Variants in ATRN observed in about 807,000 individuals in gnomAD.
ATRN encodes attractin-2.
In ATRN, 54 loss-of-function variants were observed where a neutral mutation model predicts 178.7. The observed-to-expected ratio is 0.30, with a 90% CI of 0.24 to 0.38. ATRN has a LOEUF of 0.38. Among genes scored for constraint, ATRN ranks in the 10% least tolerant of loss-of-function variants. The probability of loss-of-function intolerance (pLI) is 1.00; values close to 1 mark genes in which losing one functional copy is unlikely to be tolerated. For missense variants in ATRN, 1,443 were observed against 1,815.1 expected (o/e 0.79, Z 3.73); for synonymous variants, 636 against 663.0 (o/e 0.96, Z 0.63).
At chr20:3,608,543 C>A (rs963857060) in intron 24 of ATRN, among the ~76,000 whole-genome samples, 4 of 152,068 alleles carry the variant, frequency 2.6e-5, no homozygotes, top group African/African-American at 9.7e-5. Flanking sequence ...TTTCTGAGTT[C>A]TTTATTTTGT....
chr20:3,560,563 T>G, intron 7 of ATRN, 99 bp from the exon 8 acceptor site: 4 of 1,086,918 alleles, frequency 3.7e-6, no homozygotes, highest in Admixed American at 2.7e-5. Flanking sequence ...TTGACTAACC[T>G]TTTTTAAGCT....
chr20:3,589,618 A>T (rs2086410581), intron 18 of ATRN, among the ~76,000 whole-genome samples: 1 of 152,192 alleles, frequency 6.6e-6, no homozygotes, highest in South Asian at 2.1e-4. Context: ...ATACTGGTTA[A>T]TCCTCAAGGT....
intron 18 of ATRN, among the ~76,000 whole-genome samples, chr20:3,587,827 CTGTT>C (rs200507855): frequency 0.058 from 8,707 of 151,004 alleles, 278 homozygotes; most frequent in African/African-American, 0.074. Flanking sequence ...GGTGTATTGC[CTGTT>C]TGTTTGTTTG....
At chr20:3,498,496 G>T (rs1210886063) in intron 1 of ATRN, among the ~76,000 whole-genome samples, 1 of 151,772 alleles carries the variant, frequency 6.6e-6, no homozygotes, top group African/African-American at 2.4e-5. Context: ...GATCAAGTGG[G>T]CTTCATCCCT....
intron 18 of ATRN, among the ~76,000 whole-genome samples, chr20:3,585,283 C>T (rs2086342274): frequency 6.6e-6 from 1 of 152,088 alleles, no homozygotes; most frequent in African/African-American, 2.4e-5. Context: ...CCACTGTAAA[C>T]AAAGCTAAAA....
At chr20:3,545,364 C>CAAA (rs1332216289) in intron 3 of ATRN, among the ~76,000 whole-genome samples, 4,547 of 86,192 alleles carry the variant, frequency 0.053, 105 homozygotes, top group Non-Finnish European at 0.073. Context: ...AACTCTGTCT[C>CAAA]AAAAAAAAAA....
intron 1 of ATRN, among the ~76,000 whole-genome samples, chr20:3,516,884 C>G (rs2146139672): frequency 6.6e-6 from 1 of 152,080 alleles, no homozygotes; most frequent in South Asian, 2.1e-4. Context: ...TCCAGTCTAT[C>G]ATTGATGGGC....
chr20:3,641,379 T>A (rs1183473488), intron 27 of ATRN, among the ~76,000 whole-genome samples: 1 of 151,536 alleles, frequency 6.6e-6, no homozygotes, highest in Non-Finnish European at 1.5e-5. Context: ...TCACTTGAGG[T>A]CAGGAGTTCA....
At position 3,632,796 on chromosome 20, in the gene ATRN, T is replaced by C. The variant is rs752886452; in HGVS notation, c.3864-1515T>C. On this transcript the variant is annotated intron_variant, in intron 25 of 28. Transcript: ENST00000262919. The surrounding 1 kb of genome is among the most constrained non-coding windows in gnomAD (Gnocchi z 4.2). ...ATGGGACAGTAATCTTTGCTCTGTT[T>C]ATCAGTGTTTTCCATGAGCCTAGAA... is the stretch of plus-strand genomic sequence containing the variant. 2.1e-4 allele frequency among the ~76,000 whole-genome samples: 32 copies of C among 152,214 alleles called. No individual in the cohort carries two copies. The highest frequency in any genetic ancestry group is 7.3e-5 in the Non-Finnish European group (5 of 68,040).
In ATRN at chr20:3,578,749, A is replaced by G. The variant is rs766458190; in HGVS notation, c.2521A>G (p.Ile841Val). 9.3e-6 allele frequency: 15 copies of G among 1,613,130 alleles called. No homozygotes were observed. The highest frequency in any genetic ancestry group is 1.3e-5 in the Non-Finnish European group (15 of 1,179,764). The change falls in exon 15 of 29, where the codon ATA (isoleucine) becomes GTA (valine). Residue 841 changes from isoleucine to valine, a missense_variant. Physicochemically the swap from Ile to Val is conservative, Grantham distance 29. Transcript: ENST00000262919. ...KVEFVLKQLR[I>V]MQSSQSMSKL... ...AGAATTTGTCCTTAAGCAGCTGCGA[A>G]TAATGCAGTCATCTCAGAGCATGGT... is the stretch of plus-strand genomic sequence containing the variant.
At chr20:3,583,498 T>C (rs2086308659) in intron 16 of ATRN, among the ~76,000 whole-genome samples, 2 of 152,224 alleles carry the variant, frequency 1.3e-5, no homozygotes, top group Admixed American at 6.5e-5. Flanking sequence ...GGCACATTAA[T>C]GGGTCATCAC....
intron 24 of ATRN, among the ~76,000 whole-genome samples, chr20:3,613,331 G>T (rs999029270): frequency 1.3e-5 from 2 of 152,076 alleles, no homozygotes; most frequent in East Asian, 3.9e-4. Context: ...CTCAGTCCTC[G>T]CATGAGAGCC....
At chr20:3,619,442 A>G (rs2086879612) in intron 24 of ATRN, among the ~76,000 whole-genome samples, 2 of 152,240 alleles carry the variant, frequency 1.3e-5, no homozygotes, top group Non-Finnish European at 2.9e-5. Context: ...GCCAGAGGCC[A>G]ATGAAAGGTC....
intron 1 of ATRN, among the ~76,000 whole-genome samples, chr20:3,496,130 G>GT (rs1353330366): frequency 2.6e-5 from 4 of 151,828 alleles, no homozygotes; most frequent in Non-Finnish European, 4.4e-5. Flanking sequence ...TTTTTGAAGG[G>GT]TTTTTTGTGT....
intron 27 of ATRN, among the ~76,000 whole-genome samples, chr20:3,639,582 T>A (rs989876302): frequency 6.6e-5 from 10 of 152,000 alleles, no homozygotes; most frequent in Non-Finnish European, 1.3e-4. Context: ...GGGAATTTTT[T>A]AAGCAGCAAA....
intron 1 of ATRN, among the ~76,000 whole-genome samples, chr20:3,530,616 T>C (rs1290305406): frequency 6.6e-6 from 1 of 151,978 alleles, no homozygotes; most frequent in Non-Finnish European, 1.5e-5. Flanking sequence ...TTAGGTCTAG[T>C]AGATGAAAAT....
chr20:3,576,024 T>C (rs1313980978), intron 13 of ATRN, 76 bp downstream of exon 13: 2 of 1,445,946 alleles, frequency 1.4e-6, no homozygotes, highest in Admixed American at 4.8e-5. Flanking sequence ...GTATATGGTA[T>C]AAATAATGGC....
At chr20:3,529,308 G>A (rs1219644867) in intron 1 of ATRN, among the ~76,000 whole-genome samples, 1 of 152,142 alleles carries the variant, frequency 6.6e-6, no homozygotes, top group Admixed American at 6.6e-5. Flanking sequence ...AAAAATTTAA[G>A]TGCATATCTA....
At chr20:3,607,904 G>A (rs118002835) in intron 24 of ATRN, among the ~76,000 whole-genome samples, 5,770 of 152,094 alleles carry the variant, frequency 0.038, 145 homozygotes, top group Non-Finnish European at 0.056. Flanking sequence ...TTTAATAATA[G>A]CCATTTTAAC....
Sources: gnomAD v4.1 joint callset for allele counts (sites outside exome capture counted in the v4.1 genomes callset) on GRCh38, gnomAD v4.1.1 for gene constraint, Gnocchi (gnomAD v3.1) non-coding constraint, MANE v1.5 for transcripts, NCBI Gene and HGNC (gene_info 2026-07-23, HGNC 2026-07-21) for gene names.